The following MCF2L2 variants were observed in gnomAD, a reference collection of about 807,000 sequenced individuals.
MCF2L2 encodes MCF.2 cell line derived transforming sequence-like 2.
MCF2L2 carries 102 observed loss-of-function variants against 150.2 expected under a neutral mutation model. That is an observed-to-expected ratio of 0.68 (90% CI 0.58 to 0.80). The LOEUF (loss-of-function observed/expected upper bound fraction) is 0.80, where lower values mean the gene tolerates loss of function less well. MCF2L2 is among the 30% of genes least tolerant of loss of function. The probability of loss-of-function intolerance (pLI) is 0.00; values close to 1 mark genes in which losing one functional copy is unlikely to be tolerated. For synonymous variants in MCF2L2, 465 were observed against 491.3 expected (o/e 0.95, Z 0.71); for missense variants, 1,256 against 1,372.8 (o/e 0.91, Z 1.34).
Position 183,270,491 on chromosome 3 carries a change from A to G in MCF2L2, c.1862+6381T>C, listed in dbSNP as rs1388404878. On this transcript the variant is annotated intron_variant, in intron 15 of 29. Coordinates refer to ENST00000328913, the MANE Select transcript of MCF2L2 (RefSeq NM_015078.4). This position sits in a 1 kb window ranked among gnomAD's most constrained non-coding sequence, Gnocchi z 4.5. ...TTCATCGTGGTGCCCCTCCCATTAG[A>G]GATAAAAGCAGCAAATACTACGTGT... The G allele has an allele frequency of 6.2e-7, 1 of 1,614,174 alleles. No homozygotes were observed. The highest frequency in any genetic ancestry group is 2.2e-5 in the East Asian group (1 of 44,888).
rs529640055 is a variant in MCF2L2, at chr3:183,323,777, A to G, written c.487-426T>C. Among the ~76,000 whole-genome samples the G allele has an allele frequency of 4.4e-3, 656 of 149,930 alleles. 2 individuals are homozygous for G. Among genetic ancestry groups the G allele is most frequent in the African/African-American group, 0.015 (612 of 39,816 alleles). On this transcript the variant is annotated intron_variant, in intron 5 of 29. Coordinates refer to ENST00000328913, the MANE Select transcript of MCF2L2 (RefSeq NM_015078.4). ...GCACCATGGCACTCCAGCCTGGGCG[A>G]CAGAACAAGACCACATCAAAAAAAA...
intron 6 of MCF2L2, among the ~76,000 whole-genome samples, chr3:183,322,954 C>G (rs1171085108): frequency 3.3e-5 from 5 of 152,172 alleles, no homozygotes; most frequent in Non-Finnish European, 7.3e-5. Flanking sequence ...TGAGGTATAA[C>G]AGGCTATTGG....
intron 5 of MCF2L2, among the ~76,000 whole-genome samples, chr3:183,338,473 A>G (rs1730576322): frequency 6.6e-6 from 1 of 151,176 alleles, no homozygotes; most frequent in African/African-American, 2.4e-5. Flanking sequence ...AAAGAAAAAG[A>G]AAAAAGAAAA....
chr3:183,301,874 T>C (rs1182477952), intron 10 of MCF2L2, among the ~76,000 whole-genome samples: 1 of 152,156 alleles, frequency 6.6e-6, no homozygotes, highest in Non-Finnish European at 1.5e-5. Context: ...TGGCCCTTTG[T>C]TGGCATCTAG....
Position 183,267,721 on chromosome 3 carries a change from G to T in MCF2L2, c.1862+9151C>A, listed in dbSNP as rs1576999457. Among the ~76,000 whole-genome samples, 1 of 152,214 alleles carries T rather than the reference G, an allele frequency of 6.6e-6. No homozygotes were observed. The highest frequency in any genetic ancestry group is 2.4e-5 in the African/African-American group (1 of 41,448). ...TGTTTTACCTGTGGTAAGCACGGGG[G>T]ACAGAATTCTTGAGGAAGGAGGGTG... is the stretch of plus-strand genomic sequence containing the variant. On this transcript the variant is annotated intron_variant, in intron 15 of 29. Coordinates refer to ENST00000328913, the MANE Select transcript of MCF2L2 (RefSeq NM_015078.4). The surrounding 1 kb of genome is among the most constrained non-coding windows in gnomAD (Gnocchi z 5.5).
At chr3:183,339,799 T>C (rs1331100162) in intron 4 of MCF2L2, among the ~76,000 whole-genome samples, 3 of 152,162 alleles carry the variant, frequency 2.0e-5, no homozygotes, top group Non-Finnish European at 4.4e-5. Flanking sequence ...CTCCAGACTA[T>C]TTTGATTCAT....
At chr3:183,205,144 G>A (rs2108645742) in intron 25 of MCF2L2, among the ~76,000 whole-genome samples, 1 of 152,310 alleles carries the variant, frequency 6.6e-6, no homozygotes, top group Admixed American at 6.5e-5. Context: ...ACTTTGGGAG[G>A]CCGAGGCAGG....
chr3:183,422,705 T>C (rs1560069013), intron 1 of MCF2L2, among the ~76,000 whole-genome samples: 1 of 152,238 alleles, frequency 6.6e-6, no homozygotes, highest in Non-Finnish European at 1.5e-5. Flanking sequence ...GAGCAGGTCA[T>C]GCTCAGGTAC....
Position 183,248,472 on chromosome 3 carries a change from C to T in MCF2L2, c.1863-17455G>A, listed in dbSNP as rs564612968. The stretch of plus-strand genomic sequence containing the variant: ...GAAATTGGTTGAGTGGGATTTGAAC[C>T]GTGTACTCTCTGTAAAGCAGGAAAT... On this transcript the variant is annotated intron_variant, in intron 15 of 29. Coordinates refer to ENST00000328913, the MANE Select transcript of MCF2L2 (RefSeq NM_015078.4). Among the ~76,000 whole-genome samples, 6 of 152,190 alleles carry T rather than the reference C, an allele frequency of 3.9e-5. No homozygotes were observed. The East Asian group carries it at 7.7e-4, about 20-fold the overall frequency.
At chr3:183,217,402 G>T (rs777580552) in intron 21 of MCF2L2, among the ~76,000 whole-genome samples, 3 of 151,714 alleles carry the variant, frequency 2.0e-5, no homozygotes, top group Non-Finnish European at 4.4e-5. Flanking sequence ...AACACGGGAG[G>T]TGGAGTTTGC....
Position 183,389,795 on chromosome 3 carries a change from A to C in MCF2L2, c.77-16T>G. The C allele has an allele frequency of 6.3e-7, 1 of 1,599,010 alleles. No homozygotes were observed. Among genetic ancestry groups the C allele is most frequent in the Non-Finnish European group, 8.6e-7 (1 of 1,166,326 alleles). The stretch of plus-strand genomic sequence containing the variant: ...ATAATTTCATCTGCACAAATGAAAT[A>C]CAAAGTGGGTTAGTTAAACATGTGC... On this transcript the variant is annotated splice_polypyrimidine_tract_variant and intron_variant, in intron 1 of 29. Coordinates refer to ENST00000328913, the MANE Select transcript of MCF2L2 (RefSeq NM_015078.4).
At chr3:183,406,620 CT>C (rs1715057545) in intron 1 of MCF2L2, among the ~76,000 whole-genome samples, 1 of 152,128 alleles carries the variant, frequency 6.6e-6, no homozygotes, top group Admixed American at 6.5e-5. Context: ...TCCCGAGTAG[CT>C]GAGATTACAG....
intron 3 of MCF2L2, among the ~76,000 whole-genome samples, chr3:183,370,924 G>A (rs532413859): frequency 4.6e-5 from 7 of 152,220 alleles, no homozygotes; most frequent in African/African-American, 1.7e-4. Flanking sequence ...TACCCTCCTT[G>A]GGCAACACAG....
chr3:183,354,989 A>G (rs2108557661), intron 3 of MCF2L2, among the ~76,000 whole-genome samples: 1 of 152,164 alleles, frequency 6.6e-6, no homozygotes, highest in Non-Finnish European at 1.5e-5. Context: ...AGGTCTTTGT[A>G]CTGTGTGAAG....
At chr3:183,413,833 G>GT (rs1413929316) in intron 1 of MCF2L2, among the ~76,000 whole-genome samples, 1 of 152,182 alleles carries the variant, frequency 6.6e-6, no homozygotes, top group East Asian at 1.9e-4. Flanking sequence ...TTCATTAAGT[G>GT]TAAGTGGATC....
At chr3:183,326,234 G>A (rs1730019286) in intron 5 of MCF2L2, among the ~76,000 whole-genome samples, 1 of 152,090 alleles carries the variant, frequency 6.6e-6, no homozygotes, top group Non-Finnish European at 1.5e-5. Flanking sequence ...ACTCATGCCT[G>A]TAATCCCAGC....
At chr3:183,342,018 G>T (rs1730719683) in intron 3 of MCF2L2, among the ~76,000 whole-genome samples, 1 of 152,196 alleles carries the variant, frequency 6.6e-6, no homozygotes, top group South Asian at 2.1e-4. Context: ...ACAGTAACAC[G>T]CTCAGCTATG....
intron 3 of MCF2L2, among the ~76,000 whole-genome samples, chr3:183,371,596 T>C (rs759116654): frequency 6.6e-6 from 1 of 151,246 alleles, no homozygotes; most frequent in African/African-American, 2.4e-5. Context: ...GCCTCCCAAG[T>C]AGCTGGGATT....
At chr3:183,294,663 C>T (rs1284510039) in intron 13 of MCF2L2, among the ~76,000 whole-genome samples, 4 of 142,160 alleles carry the variant, frequency 2.8e-5, no homozygotes, top group Non-Finnish European at 4.5e-5. Flanking sequence ...GAGTCTCGCT[C>T]TGTCACCCAG....
Sources: allele counts gnomAD v4.1 joint callset (sites outside exome capture counted in the v4.1 genomes callset), GRCh38; gene constraint gnomAD v4.1.1; non-coding constraint Gnocchi (gnomAD v3.1); transcripts MANE v1.5; gene names NCBI Gene and HGNC (gene_info 2026-07-23, HGNC 2026-07-21).